Variants in MPP2 observed in about 807,000 individuals in gnomAD.
MPP2 encodes the protein MAGUK p55 subfamily member 2.
Under a neutral mutation model 58.5 loss-of-function variants are expected in MPP2, and 42 were observed. The observed-to-expected ratio is 0.72, with a 90% confidence interval of 0.56 to 0.93. MPP2 has a LOEUF of 0.93. Among genes scored for constraint, MPP2 ranks in the 40% least tolerant of loss-of-function variants. MPP2 has a pLI of 0.00. For synonymous variants in MPP2, 300 were observed against 307.8 expected (o/e 0.97, Z 0.26); for missense variants, 632 against 760.4 (o/e 0.83, Z 1.99).
chr17:43,877,839 G>T lies in MPP2; in HGVS notation c.1627C>A (p.Pro543Thr). Residue 543 changes from proline to threonine, a missense_variant, in exon 13 of 13, where the codon CCC becomes ACC. Physicochemically the swap from Pro to Thr is conservative, Grantham distance 38 (BLOSUM62 -1). Coordinates refer to ENST00000269095, the MANE Select transcript of MPP2 (RefSeq NM_005374.5). ...ACCCAGCTGACAGGCACCCACTGGG[G>T]CTCTGTCCGTAGCTTCTCCATGGCT... ...QTAMEKLRTE[P>T]QWVPVSWVY The T allele has an allele frequency of 6.2e-7, 1 of 1,613,960 alleles. No individual in the cohort carries two copies. Among genetic ancestry groups the T allele is most frequent in the Non-Finnish European group, 8.5e-7 (1 of 1,179,880 alleles).
chr17:43,877,976 TCCG>T lies in MPP2; in HGVS notation c.1487_1489del (p.Ala496del). On this transcript the variant is annotated inframe_deletion, in exon 13 of 13. Transcript: ENST00000269095. Reference sequence around the variant, plus strand: ...GCTCTCCTCCACTGTCCGTCTCAGGTCCGCCTCCTGCCCAGGCACAAGGGGACC... The same window carrying T: ...GCTCTCCTCCACTGTCCGTCTCAGGTCCTCCTGCCCAGGCACAAGGGGACC... 6.2e-7 allele frequency: 1 copy of T among 1,612,522 alleles called. No individual in the cohort carries two copies. Among genetic ancestry groups the T allele is most frequent in the East Asian group, 2.2e-5 (1 of 44,854 alleles).
At chr17:43,878,754 C>T (rs186454971) in intron 12 of MPP2, among the ~76,000 whole-genome samples, 6 of 152,342 alleles carry the variant, frequency 3.9e-5, no homozygotes, top group Non-Finnish European at 7.4e-5. Flanking sequence ...AACCCTCCAC[C>T]TCCTGGGAAG....
At chr17:43,896,631 G>A (rs1163824684) in intron 3 of MPP2, among the ~76,000 whole-genome samples, 1 of 151,952 alleles carries the variant, frequency 6.6e-6, no homozygotes, top group Non-Finnish European at 1.5e-5. Flanking sequence ...GCCAGCACGT[G>A]CCCTGGACCA....
At chr17:43,883,684 G>A (rs576241005) in intron 3 of MPP2, among the ~76,000 whole-genome samples, 6 of 152,134 alleles carry the variant, frequency 3.9e-5, no homozygotes, top group South Asian at 4.2e-4. Context: ...GTTCAAAGAT[G>A]GCTTCTTCCA....
chr17:43,907,619 G>A, upstream of MPP2: 1 of 985,636 alleles, frequency 1.0e-6, no homozygotes, highest in Non-Finnish European at 1.2e-6. Flanking sequence ...GGGAGGTGAG[G>A]AGAACGCGGA....
At chr17:43,892,823 T>TCAATTC (rs2047663575) in intron 3 of MPP2, among the ~76,000 whole-genome samples, 1 of 152,072 alleles carries the variant, frequency 6.6e-6, no homozygotes, top group Admixed American at 6.5e-5. Context: ...TTGGTTCATT[T>TCAATTC]TCAATTAGGC....
In MPP2 at chr17:43,883,189, T is replaced by C. The variant is rs2047218726; in HGVS notation, c.303+14A>G. ...ACCTCCTGCTCCCTCACCCCAGCCC[T>C]AGCAGCCAGGAACCTGGAAGTGGGG... On this transcript the variant is annotated intron_variant, in intron 4 of 12. Coordinates refer to ENST00000269095, the MANE Select transcript of MPP2 (RefSeq NM_005374.5). 3 of 1,596,264 alleles carry C rather than the reference T, an allele frequency of 1.9e-6. No homozygotes were observed. In the African/African-American group the frequency reaches 4.0e-5, roughly 21 times the overall value.
At position 43,880,415 on chromosome 17, in the gene MPP2, A is replaced by G. The variant is rs774863394; in HGVS notation, c.1150+276T>C. On this transcript the variant is annotated intron_variant, in intron 10 of 12. Transcript: ENST00000269095. This position sits in a 1 kb window ranked among gnomAD's most constrained non-coding sequence, Gnocchi z 5.2. ...GTTTCACCCGGGTGCACAGCTGGGC[A>G]CTCACTTTCTTCATGGCTTTTAGCA... is the stretch of plus-strand genomic sequence containing the variant. Among the ~76,000 whole-genome samples, 12 of 152,162 alleles carry G rather than the reference A, an allele frequency of 7.9e-5. No individual in the cohort carries two copies. The highest frequency in any genetic ancestry group is 1.3e-4 in the Non-Finnish European group (9 of 68,016).
intron 3 of MPP2, among the ~76,000 whole-genome samples, chr17:43,897,150 CA>C (rs1185156160): frequency 6.6e-6 from 1 of 152,280 alleles, no homozygotes; most frequent in Admixed American, 6.5e-5. Flanking sequence ...ACATGGCTGC[CA>C]AAACACCCAC....
chr17:43,897,714 C>A (rs1455041818), intron 3 of MPP2, among the ~76,000 whole-genome samples: 1 of 152,118 alleles, frequency 6.6e-6, no homozygotes, highest in East Asian at 1.9e-4. Context: ...AGAATGCCCT[C>A]CCCCTCTTCC....
chr17:43,899,196 G>A (rs1477344377), intron 2 of MPP2, among the ~76,000 whole-genome samples: 4 of 152,096 alleles, frequency 2.6e-5, no homozygotes, highest in Admixed American at 2.6e-4. Context: ...GCAGTAAGCT[G>A]AGATCCTGCC....
In MPP2 at chr17:43,877,720, T is replaced by C. The variant is rs1023581163; in HGVS notation, c.*87A>G. The C allele has an allele frequency of 1.7e-5, 20 of 1,180,398 alleles. No individual in the cohort carries two copies. The highest frequency in any genetic ancestry group is 2.3e-5 in the Non-Finnish European group (19 of 811,978). 73.1% of individuals were successfully genotyped at this position (1,180,398 alleles called of 1,614,324 possible). On this transcript the variant is annotated 3_prime_UTR_variant, in exon 13 of 13. Transcript: ENST00000269095. ...GACAGCCAGATATGGGGGCTAAGGA[T>C]TGTGGCAGGGGGTCACAGGTCAGGA...
intron 6 of MPP2, 62 bp downstream of exon 6, chr17:43,882,222 G>A: frequency 6.8e-7 from 1 of 1,478,018 alleles, no homozygotes; most frequent in East Asian, 2.3e-5. Context: ...CGTGAGACCT[G>A]CAACCTTGAC....
intron 1 of MPP2, chr17:43,905,408 C>G (rs1180677026): frequency 6.6e-6 from 1 of 152,288 alleles, no homozygotes; most frequent in Non-Finnish European, 1.5e-5. Context: ...TCCTCTCTCC[C>G]TTTCTTAGCT....
intron 3 of MPP2, among the ~76,000 whole-genome samples, chr17:43,889,940 G>A (rs1279353307): frequency 6.6e-6 from 1 of 151,052 alleles, no homozygotes; most frequent in African/African-American, 2.5e-5. Context: ...AGCCTCCCGA[G>A]TAGCTGGGAC....
chr17:43,879,134 G>GA lies in MPP2; in HGVS notation c.1482+140_1482+141insT, dbSNP rs1239915701. 1 of 1,055,888 alleles carries GA rather than the reference G, an allele frequency of 9.5e-7. No individual in the cohort carries two copies. The highest frequency in any genetic ancestry group is 1.6e-5 in the African/African-American group (1 of 63,148). 65.4% of individuals were successfully genotyped at this position (1,055,888 alleles called of 1,614,324 possible). On this transcript the variant is annotated intron_variant, in intron 12 of 12. Transcript: ENST00000269095. This position sits in a 1 kb window ranked among gnomAD's most constrained non-coding sequence, Gnocchi z 4.1. ...CTCCCCTTCCACATCTATGCAGGGG[G>GA]GACCACGTCCTGCCTCACTGATAAC...
At position 43,875,959 on chromosome 17, in the gene MPP2, T is replaced by G. The variant is rs72836572; in HGVS notation, c.*1848A>C. 5,365 of 152,092 alleles carry G rather than the reference T, an allele frequency of 0.035. 142 individuals carry two copies. Among genetic ancestry groups the G allele is most frequent in the Non-Finnish European group, 0.051 (3,449 of 67,998 alleles). 9.4% of individuals were successfully genotyped at this position (152,092 alleles called of 1,614,324 possible). ...AGAAAACACCCCATTTCCTTCCCACTCCCTTAGGCTGAGGGTGATGCAAGG... is the reference window on the plus strand; with the variant it reads ...AGAAAACACCCCATTTCCTTCCCACGCCCTTAGGCTGAGGGTGATGCAAGG... On this transcript the variant is annotated 3_prime_UTR_variant, in exon 13 of 13. Coordinates refer to ENST00000269095, the MANE Select transcript of MPP2 (RefSeq NM_005374.5).
Position 43,879,930 on chromosome 17 carries a change from A to C in MPP2, c.1205T>G (p.Val402Gly). 2 of 1,614,082 alleles carry C rather than the reference A, an allele frequency of 1.2e-6. No individual in the cohort carries two copies. Among genetic ancestry groups the C allele is most frequent in the Non-Finnish European group, 1.7e-6 (2 of 1,179,994 alleles). The change falls in exon 11 of 13, where the codon GTG (valine) becomes GGG (glycine). Residue 402 changes from valine (V) to glycine (G), a missense_variant. By Grantham distance (109) the Val-to-Gly change is moderately radical (BLOSUM62 -3). Coordinates refer to ENST00000269095, the MANE Select transcript of MPP2 (RefSeq NM_005374.5). This position sits in a 1 kb window ranked among gnomAD's most constrained non-coding sequence, Gnocchi z 4.1. ...GTCAGCCTCCATCTCCCCACGGGACACAAAGCTGTAACCCTGACCTTCCCG... is the reference window on the plus strand; with the variant it reads ...GTCAGCCTCCATCTCCCCACGGGACCCAAAGCTGTAACCCTGACCTTCCCG... ...SEREGQGYSF[V>G]SRGEMEADVR...
intron 3 of MPP2, among the ~76,000 whole-genome samples, chr17:43,893,390 T>A (rs1350390687): frequency 2.6e-5 from 4 of 152,238 alleles, no homozygotes; most frequent in African/African-American, 9.6e-5. Context: ...CAGAAGCAGA[T>A]GGATATGAGG....
Sources: allele counts gnomAD v4.1 joint callset (sites outside exome capture counted in the v4.1 genomes callset), GRCh38; gene constraint gnomAD v4.1.1; non-coding constraint Gnocchi (gnomAD v3.1); transcripts MANE v1.5; gene names NCBI Gene and HGNC (gene_info 2026-07-23, HGNC 2026-07-21).